The following TNRC6B variants were observed in gnomAD, a reference collection of about 807,000 sequenced individuals.
The protein encoded by TNRC6B is trinucleotide repeat-containing gene 6B protein.
Under a neutral mutation model 203.6 loss-of-function variants are expected in TNRC6B, and 52 were observed. That is an observed-to-expected ratio of 0.26 (90% CI 0.20 to 0.32). TNRC6B has a LOEUF of 0.32. TNRC6B is among the 10% of genes least tolerant of loss of function. The pLI is 1.00. For missense variants in TNRC6B, 1,923 were observed against 2,286.2 expected, an observed-to-expected ratio of 0.84 and a Z score of 3.24; for synonymous variants, 838 against 845.7, an observed-to-expected ratio of 0.99 and a Z score of 0.16.
rs398061938 is a variant in TNRC6B, at chr22:40,323,786, TA to T, written c.*559del. The T allele has an allele frequency of 9.0e-3, 1,124 of 124,848 alleles. 3 individuals are homozygous for T. Among genetic ancestry groups the T allele is most frequent in the African/African-American group, 0.018 (608 of 33,944 alleles). 7.7% of individuals were successfully genotyped at this position (124,848 alleles called of 1,614,324 possible). ...TTTAAAAACAAAAACACAAAAAACC[TA>T]AAAAAAAAAAAAAGGAAAAAATTTG... On this transcript the variant is annotated 3_prime_UTR_variant, in exon 23 of 23. Coordinates refer to ENST00000454349, the MANE Select transcript of TNRC6B (RefSeq NM_001162501.2).
intron 3 of TNRC6B, among the ~76,000 whole-genome samples, chr22:40,154,788 C>T (rs1337175419): frequency 2.3e-5 from 3 of 132,920 alleles, no homozygotes; most frequent in Non-Finnish European, 3.1e-5. Flanking sequence ...TTGCAGTGAG[C>T]CGAGATCGCA....
intron 1 of TNRC6B, among the ~76,000 whole-genome samples, chr22:40,227,260 G>A (rs1473626704): frequency 6.7e-6 from 1 of 149,952 alleles, no homozygotes; most frequent in Non-Finnish European, 1.5e-5. Context: ...ATCAGGTTTT[G>A]CCATGTTGCC....
intron 5 of TNRC6B, among the ~76,000 whole-genome samples, chr22:40,267,800 TG>T: frequency 6.6e-6 from 1 of 152,094 alleles, no homozygotes; most frequent in South Asian, 2.1e-4. Context: ...GCCCTGGAGA[TG>T]GGAGGCTGTA....
At chr22:40,178,236 G>C in intron 1 of TNRC6B, 96 bp downstream of exon 1, 1 of 1,397,868 alleles carries the variant, frequency 7.2e-7, no homozygotes. Context: ...CATTTGTCTA[G>C]CATGGAGACT....
chr22:40,226,921 G>T (rs946048047), intron 1 of TNRC6B, among the ~76,000 whole-genome samples: 3 of 151,068 alleles, frequency 2.0e-5, no homozygotes, highest in Admixed American at 2.0e-4. Context: ...TTTTGTTTTT[G>T]TTTTTTGAGA....
chr22:40,301,595 G>C, intron 15 of TNRC6B: 1 of 481,138 alleles, frequency 2.1e-6, no homozygotes, highest in Non-Finnish European at 3.7e-6. Context: ...TTGTGTGTGT[G>C]TGTGTGTCTG....
chr22:40,051,214 A>G (rs2067741681), intron 1 of TNRC6B, among the ~76,000 whole-genome samples: 1 of 152,148 alleles, frequency 6.6e-6, no homozygotes, highest in African/African-American at 2.4e-5. Flanking sequence ...AGTGAGATAG[A>G]TTCCAAAATT....
intron 12 of TNRC6B, among the ~76,000 whole-genome samples, chr22:40,290,239 ATTAAC>A (rs1204325610): frequency 5.9e-5 from 9 of 152,250 alleles, no homozygotes; most frequent in Non-Finnish European, 1.0e-4. Flanking sequence ...TTTTATTTTA[ATTAAC>A]TTAAATAGCC....
chr22:40,068,605 A>G (rs1446712648), intron 1 of TNRC6B, among the ~76,000 whole-genome samples: 1 of 151,888 alleles, frequency 6.6e-6, no homozygotes, highest in African/African-American at 2.4e-5. Context: ...GGCGTGAGCC[A>G]CCGCGCCTGG....
chr22:40,072,870 A>G (rs1186999597), intron 1 of TNRC6B, among the ~76,000 whole-genome samples: 1 of 150,532 alleles, frequency 6.6e-6, no homozygotes, highest in Non-Finnish European at 1.5e-5. Flanking sequence ...TCAAAAAAAA[A>G]AAAAAAAAAA....
chr22:40,179,873 T>C (rs1489310551), intron 1 of TNRC6B, among the ~76,000 whole-genome samples: 1 of 152,228 alleles, frequency 6.6e-6, no homozygotes, highest in Non-Finnish European at 1.5e-5. Context: ...CAAAAAGACT[T>C]TCCATTTGAA....
rs569504831 is a variant in TNRC6B, at chr22:40,142,067, T to G, written c.46-14048T>G. On this transcript the variant is annotated intron_variant, in intron 3 of 23. Coordinates refer to the TNRC6B transcript ENST00000301923. ...GAGCCACCGCGCCTGGCCTTCTTGT[T>G]TTTGTTTTTGAAGCAGAAGTCTAAC... 3.4e-4 allele frequency among the ~76,000 whole-genome samples: 52 copies of G among 151,802 alleles called. 2 individuals carry two copies. In the South Asian group the frequency reaches 0.011, roughly 32 times the overall value.
chr22:40,266,819 G>A lies in TNRC6B; in HGVS notation c.2589G>A (p.Gln863=), dbSNP rs2070488436. ...ATTCCAGCTGGAGCAGCGGGCCACA[G>A]CCTGCAACACCTAAGGATGAGGAAC... is the stretch of plus-strand genomic sequence containing the variant. ...PSNSSWSSGP[Q]PATPKDEEPS... Residue 863 remains glutamine (Q), a synonymous_variant, in exon 5 of 23, where the codon CAG becomes CAA. Transcript: ENST00000454349. 6.2e-7 allele frequency: 1 copy of A among 1,613,806 alleles called. No individual in the cohort carries two copies. The highest frequency in any genetic ancestry group is 1.3e-5 in the African/African-American group (1 of 74,926).
upstream of TNRC6B, chr22:40,177,913 G>C (rs375370037): frequency 7.5e-7 from 1 of 1,340,538 alleles, no homozygotes; most frequent in South Asian, 2.1e-5. Flanking sequence ...GTCACAAAAA[G>C]CTGCTTCCTT....
intron 1 of TNRC6B, among the ~76,000 whole-genome samples, chr22:40,072,963 C>A (rs1249249129): frequency 6.7e-6 from 1 of 149,368 alleles, no homozygotes; most frequent in Non-Finnish European, 1.5e-5. Flanking sequence ...TTTTGCTTGT[C>A]ATAATGAGGC....
intron 1 of TNRC6B, among the ~76,000 whole-genome samples, chr22:40,210,980 C>G (rs1199938114): frequency 6.6e-6 from 1 of 152,166 alleles, no homozygotes; most frequent in African/African-American, 2.4e-5. Flanking sequence ...TGTCAGATGT[C>G]TCCTGAAGGG....
At position 40,323,412 on chromosome 22, in the gene TNRC6B, C is replaced by T. The variant is rs1185144764; in HGVS notation, c.*171C>T. ...ACAGACTGTCTGAGCACATAGTTGC[C>T]TCCCTTATAACTTCAGTTTTTTCGT... is the stretch of plus-strand genomic sequence containing the variant. On this transcript the variant is annotated 3_prime_UTR_variant, in exon 23 of 23. Coordinates refer to ENST00000454349, the MANE Select transcript of TNRC6B (RefSeq NM_001162501.2). 4 of 747,280 alleles carry T rather than the reference C, an allele frequency of 5.4e-6. No individual in the cohort carries two copies. The highest frequency in any genetic ancestry group is 3.5e-5 in the Admixed American group (1 of 28,528). The allele number at this position is 747,280 out of a possible 1,614,324, so 46.3% of individuals were successfully genotyped here.
rs955369459 is a variant in TNRC6B at position 40,126,580 on chromosome 22, A to ATTTT, written c.45+744_45+747dup. Among the ~76,000 whole-genome samples, 125 of 88,762 alleles carry ATTTT rather than the reference A, an allele frequency of 1.4e-3. 20 individuals are homozygous for ATTTT. The highest frequency in any genetic ancestry group is 6.8e-3 in the East Asian group (22 of 3,258). The allele number at this position is 88,762 out of a possible 152,430, so 58.2% of individuals were successfully genotyped here. On this transcript the variant is annotated intron_variant, in intron 3 of 23. Transcript: ENST00000301923. Reference sequence around the variant, plus strand: ...CTGTTGCTACAAAGGACGTTATTTAATTTTTTTTTTTTTTTTTTTTTTTTT... The same window carrying ATTTT: ...CTGTTGCTACAAAGGACGTTATTTAATTTTTTTTTTTTTTTTTTTTTTTTTTTTT...
At chr22:40,154,615 T>G (rs1200141306) in intron 3 of TNRC6B, among the ~76,000 whole-genome samples, 2 of 151,056 alleles carry the variant, frequency 1.3e-5, no homozygotes, top group East Asian at 3.9e-4. Context: ...CCGAGGCAGG[T>G]GGATCACGAG....
Sources: gnomAD v4.1 joint callset for allele counts (sites outside exome capture counted in the v4.1 genomes callset) on GRCh38, gnomAD v4.1.1 for gene constraint, MANE v1.5 for transcripts, NCBI Gene and HGNC (gene_info 2026-07-23, HGNC 2026-07-21) for gene names.